The following CDK19 variants were observed in gnomAD, a reference collection of about 807,000 sequenced individuals.
CDK19 encodes the protein cyclin-dependent kinase 19.
Under a neutral mutation model 68.3 loss-of-function variants are expected in CDK19, and 20 were observed. The observed-to-expected ratio is 0.29, with a 90% confidence interval of 0.21 to 0.43. The LOEUF (loss-of-function observed/expected upper bound fraction) is 0.43. CDK19 is among the 20% of genes least tolerant of loss of function. The pLI is 1.00. For missense variants in CDK19, 339 were observed against 623.5 expected (o/e 0.54, Z 4.86); for synonymous variants, 221 against 222.8 (o/e 0.99, Z 0.07).
chr6:110,646,621 G>A, intron 4 of CDK19: 1 of 604,728 alleles, frequency 1.7e-6, no homozygotes, highest in East Asian at 3.1e-5. Flanking sequence ...GGGGGATTCG[G>A]AAAAGACAAA....
Position 110,744,017 on chromosome 6 carries a change from T to TG in CDK19, c.204+2108_204+2109insC, listed in dbSNP as rs1049361897. ...ATTACAAATACCTCCCCACGTTTTT[T>TG]TTTTTTTTTTTTTTGAGACAGAGTC... is the stretch of plus-strand genomic sequence containing the variant. On this transcript the variant is annotated intron_variant, in intron 2 of 12. Coordinates refer to ENST00000368911, the MANE Select transcript of CDK19 (RefSeq NM_015076.5). Among the ~76,000 whole-genome samples, 23 of 147,860 alleles carry TG rather than the reference T, an allele frequency of 1.6e-4. No homozygotes were observed. The East Asian group carries it at 3.0e-3, about 19-fold the overall frequency.
At chr6:110,646,462 G>A in intron 4 of CDK19, 1 of 1,490,234 alleles carries the variant, frequency 6.7e-7, no homozygotes, top group Middle Eastern at 1.9e-4. Context: ...TCATCCCTGA[G>A]GCCCAGAAGG....
intron 1 of CDK19, chr6:110,774,078 A>G (rs1780220763): frequency 6.6e-6 from 1 of 152,004 alleles, no homozygotes; most frequent in Non-Finnish European, 1.5e-5. Context: ...CAATGAGCAT[A>G]TCAACAATAT....
At chr6:110,779,132 A>C (rs950861089) in intron 1 of CDK19, among the ~76,000 whole-genome samples, 4 of 152,120 alleles carry the variant, frequency 2.6e-5, no homozygotes, top group African/African-American at 7.2e-5. Context: ...TAAATTCCTT[A>C]TCTTGGCACA....
chr6:110,665,233 G>C (rs1258217399), intron 4 of CDK19, among the ~76,000 whole-genome samples: 1 of 152,108 alleles, frequency 6.6e-6, no homozygotes, highest in African/African-American at 2.4e-5. Flanking sequence ...GCAAGAAAGA[G>C]GTAATAAAAG....
intron 2 of CDK19, among the ~76,000 whole-genome samples, chr6:110,733,859 C>T (rs999515001): frequency 1.8e-4 from 27 of 152,014 alleles, no homozygotes; most frequent in African/African-American, 6.5e-4. Flanking sequence ...CTTGACTTAC[C>T]AACTTTAAGC....
chr6:110,681,624 T>A (rs762681011), intron 2 of CDK19, among the ~76,000 whole-genome samples: 1 of 152,224 alleles, frequency 6.6e-6, no homozygotes, highest in Non-Finnish European at 1.5e-5. Flanking sequence ...ATACTTGTAC[T>A]TTCCCCATCT....
chr6:110,794,088 C>G (rs1429658938), intron 1 of CDK19, among the ~76,000 whole-genome samples: 1 of 152,166 alleles, frequency 6.6e-6, no homozygotes, highest in Non-Finnish European at 1.5e-5. Flanking sequence ...CTCTGTCACC[C>G]AGGCTGGAGT....
At chr6:110,649,308 A>G (rs1196076843) in intron 4 of CDK19, among the ~76,000 whole-genome samples, 1 of 152,174 alleles carries the variant, frequency 6.6e-6, no homozygotes, top group East Asian at 1.9e-4. Context: ...CAAGTTATCT[A>G]AATGTGGAAA....
intron 2 of CDK19, among the ~76,000 whole-genome samples, chr6:110,715,284 G>A (rs1309596989): frequency 6.6e-6 from 1 of 152,084 alleles, no homozygotes; most frequent in Non-Finnish European, 1.5e-5. Flanking sequence ...ATCATTAAGT[G>A]AAAAAGACAA....
At chr6:110,630,762 C>T (rs1779386849) in intron 6 of CDK19, among the ~76,000 whole-genome samples, 2 of 152,214 alleles carry the variant, frequency 1.3e-5, no homozygotes, top group African/African-American at 4.8e-5. Flanking sequence ...TACTGTCAAA[C>T]ACATACCAGT....
chr6:110,720,830 G>A (rs1051465068), intron 2 of CDK19, among the ~76,000 whole-genome samples: 10 of 149,418 alleles, frequency 6.7e-5, no homozygotes, highest in Non-Finnish European at 1.2e-4. Context: ...TCACACGACT[G>A]GCACTCCAGC....
chr6:110,719,781 G>A (rs1483941892), intron 2 of CDK19, among the ~76,000 whole-genome samples: 6 of 151,954 alleles, frequency 3.9e-5, no homozygotes. Context: ...CACAGGCTGG[G>A]GTGCAGTGGC....
At chr6:110,786,387 G>C (rs906470883) in intron 1 of CDK19, among the ~76,000 whole-genome samples, 10 of 151,994 alleles carry the variant, frequency 6.6e-5, no homozygotes, top group African/African-American at 2.4e-4. Context: ...TTTCCTTCAT[G>C]ATTTCCTTAA....
chr6:110,610,364 G>A lies in CDK19; in HGVS notation c.*4171C>T, dbSNP rs1271072092. The A allele has an allele frequency of 6.6e-6, 1 of 152,398 alleles. No individual in the cohort carries two copies. The highest frequency in any genetic ancestry group is 1.5e-5 in the Non-Finnish European group (1 of 67,998). 9.4% of individuals were successfully genotyped at this position (152,398 alleles called of 1,614,324 possible). On this transcript the variant is annotated 3_prime_UTR_variant, in exon 13 of 13. Coordinates refer to ENST00000368911, the MANE Select transcript of CDK19 (RefSeq NM_015076.5). Reference sequence around the variant, plus strand: ...AAGTACTTTAAATTGTTGTTAAAAAGGACACCTTCAGTCCAGATTTTGTGT... The same window carrying A: ...AAGTACTTTAAATTGTTGTTAAAAAAGACACCTTCAGTCCAGATTTTGTGT...
intron 2 of CDK19, among the ~76,000 whole-genome samples, chr6:110,718,453 A>G (rs1775574752): frequency 6.6e-6 from 1 of 152,184 alleles, no homozygotes; most frequent in South Asian, 2.1e-4. Context: ...GGGAGGCAGT[A>G]AGGAAGCTTG....
chr6:110,706,559 C>T (rs779176591), intron 2 of CDK19, among the ~76,000 whole-genome samples: 79 of 151,676 alleles, frequency 5.2e-4, no homozygotes, highest in Middle Eastern at 3.4e-3. Flanking sequence ...GGATTACAGG[C>T]GCCTGCCACC....
chr6:110,643,338 C>A, intron 4 of CDK19: 1 of 464,176 alleles, frequency 2.2e-6, no homozygotes, highest in South Asian at 1.8e-5. Flanking sequence ...AGGCAAACTG[C>A]CAAAGGAAAG....
At chr6:110,618,151 T>C (rs972279800) in intron 12 of CDK19, among the ~76,000 whole-genome samples, 1 of 152,084 alleles carries the variant, frequency 6.6e-6, no homozygotes, top group Non-Finnish European at 1.5e-5. Context: ...TTATTTTTTT[T>C]CAGATGGAGT....
Sources: gnomAD v4.1 joint callset for allele counts (sites outside exome capture counted in the v4.1 genomes callset) on GRCh38, gnomAD v4.1.1 for gene constraint, MANE v1.5 for transcripts, NCBI Gene and HGNC (gene_info 2026-07-23, HGNC 2026-07-21) for gene names.